N4BP1: variants seen among roughly 807,000 people sequenced by gnomAD.
N4BP1 encodes the protein NEDD4-binding protein 1.
A neutral mutation model predicts 70.9 loss-of-function variants in N4BP1; 21 were observed. The observed-to-expected ratio is 0.30, with a 90% CI of 0.21 to 0.43. The LOEUF (loss-of-function observed/expected upper bound fraction) is 0.43. Among genes scored for constraint, N4BP1 ranks in the 20% least tolerant of loss-of-function variants. The pLI is 1.00. For missense variants in N4BP1, 936 were observed against 1,069.4 expected (o/e 0.88, Z 1.74); for synonymous variants, 387 against 394.6 (o/e 0.98, Z 0.23).
At chr16:48,543,304 A>C (rs1288595342) in intron 6 of N4BP1, 43 bp from the exon 7 acceptor site, 2 of 1,409,866 alleles carry the variant, frequency 1.4e-6, no homozygotes, top group African/African-American at 2.9e-5. Flanking sequence ...TTATAAGTAA[A>C]CAAAAAATCA....
Position 48,540,759 on chromosome 16 carries a change from C to T in N4BP1, c.*2145G>A, listed in dbSNP as rs1963486029. On this transcript the variant is annotated 3_prime_UTR_variant, in exon 7 of 7. Coordinates refer to ENST00000262384, the MANE Select transcript of N4BP1 (RefSeq NM_153029.4). Reference sequence around the variant, plus strand: ...GGCCCCACTGCAGGAGGTAGACAGGCTACAGATACTTATGCAGCAGCCACA... The same window carrying T: ...GGCCCCACTGCAGGAGGTAGACAGGTTACAGATACTTATGCAGCAGCCACA... The T allele has an allele frequency of 6.6e-6, 1 of 152,266 alleles. No individual in the cohort carries two copies. Among genetic ancestry groups the T allele is most frequent in the Non-Finnish European group, 1.5e-5 (1 of 68,096 alleles). The allele number at this position is 152,266 out of a possible 1,614,324, so 9.4% of individuals were successfully genotyped here.
intron 2 of N4BP1, among the ~76,000 whole-genome samples, chr16:48,557,019 T>A (rs1487192970): frequency 6.6e-6 from 1 of 152,136 alleles, no homozygotes; most frequent in Non-Finnish European, 1.5e-5. Context: ...TACTCATCAT[T>A]TGACTCATTC....
intron 1 of N4BP1, among the ~76,000 whole-genome samples, chr16:48,582,769 C>A (rs1964191139): frequency 6.6e-6 from 1 of 152,056 alleles, no homozygotes; most frequent in Non-Finnish European, 1.5e-5. Context: ...TGGAACGTAT[C>A]CCCAGCAGAT....
chr16:48,602,621 C>T (rs1321567160), intron 1 of N4BP1, among the ~76,000 whole-genome samples: 1 of 152,092 alleles, frequency 6.6e-6, no homozygotes, highest in East Asian at 1.9e-4. Context: ...AAAAAATATT[C>T]TGGGAAGTGC....
At chr16:48,568,799 T>C (rs1264874779) in intron 1 of N4BP1, among the ~76,000 whole-genome samples, 1 of 152,236 alleles carries the variant, frequency 6.6e-6, no homozygotes, top group African/African-American at 2.4e-5. Context: ...TATGCTTTTC[T>C]CTGGATGCTT....
chr16:48,602,231 AAACAAC>A (rs755234816), intron 1 of N4BP1, among the ~76,000 whole-genome samples: 1 of 152,202 alleles, frequency 6.6e-6, no homozygotes, highest in Non-Finnish European at 1.5e-5. Context: ...CTCAAAAAAC[AAACAAC>A]AACAACAACC....
In N4BP1 at chr16:48,543,215, C is replaced by G. The variant is rs1963533707; in HGVS notation, c.2380G>C (p.Asp794His). The change falls in exon 7 of 7, where the codon GAC becomes CAC. Residue 794 changes from aspartate to histidine, a missense_variant. Coordinates refer to ENST00000262384, the MANE Select transcript of N4BP1 (RefSeq NM_153029.4). ...LSALPNVGMF[D>H]PSFRVPGTQA... ...GTGCCAGGGACTCTGAAGCTGGGGT[C>G]AAACATGCCCACATTTGGCAGGGCA... 18 of 1,558,298 alleles carry G rather than the reference C, an allele frequency of 1.2e-5. No homozygotes were observed. The highest frequency in any genetic ancestry group is 1.6e-5 in the Non-Finnish European group (18 of 1,150,644).
rs1231843229 is a variant in N4BP1, at chr16:48,561,846, A to G, written c.797T>C (p.Ile266Thr). 2 of 1,613,778 alleles carry G rather than the reference A, an allele frequency of 1.2e-6. No individual in the cohort carries two copies. The highest frequency in any genetic ancestry group is 1.1e-5 in the South Asian group (1 of 91,088). Reference protein sequence around the residue: ...SSSPDVLFDPINGLTPDEEAL... With the variant: ...SSSPDVLFDPTNGLTPDEEAL... ...CTCTTCATCTGGGGTTAGACCATTT[A>G]TTGGATCAAAAAGCACATCTGGTGA... The change falls in exon 2 of 7, where the codon ATA becomes ACA. Residue 266 changes from isoleucine to threonine, a missense_variant. This residue lies in a region of N4BP1 where 515 missense variants were observed against 491.7 expected (regional missense o/e 1.05). Transcript: ENST00000262384.
chr16:48,543,244 A>G lies in N4BP1; in HGVS notation c.2351T>C (p.Leu784Pro). 6.5e-7 allele frequency: 1 copy of G among 1,532,256 alleles called. No individual in the cohort carries two copies. Among genetic ancestry groups the G allele is most frequent in the Non-Finnish European group, 8.8e-7 (1 of 1,139,578 alleles). 94.9% of individuals were successfully genotyped at this position (1,532,256 alleles called of 1,614,324 possible). Residue 784 changes from leucine (L) to proline (P), a missense_variant, in exon 7 of 7, where the codon CTC becomes CCC. Around this residue, in one of 4 missense-constraint regions of N4BP1, gnomAD observed 229 missense variants for 343.5 expected, o/e 0.67. Transcript: ENST00000262384. ...CATGCCCACATTTGGCAGGGCACTG[A>G]GTAGGGGCTGCATATCTCTGTGAAT... ...EVCLRDMQPL[L>P]SALPNVGMFD...
Position 48,543,346 on chromosome 16 carries a change from C to T in N4BP1, c.2334-85G>A, listed in dbSNP as rs1262693549. 7 of 1,163,652 alleles carry T rather than the reference C, an allele frequency of 6.0e-6. No homozygotes were observed. The East Asian group carries it at 1.9e-4, about 31-fold the overall frequency. The allele number at this position is 1,163,652 out of a possible 1,614,324, so 72.1% of individuals were successfully genotyped here. ...TATTTTAGAAGGTACCTGCGGCAGG[C>T]CTTGAGGCTCAGGATGCCGCTCCCT... On this transcript the variant is annotated intron_variant, in intron 6 of 6. Transcript: ENST00000262384.
At chr16:48,574,257 A>G (rs556569200) in intron 1 of N4BP1, among the ~76,000 whole-genome samples, 6 of 152,334 alleles carry the variant, frequency 3.9e-5, no homozygotes, top group African/African-American at 1.4e-4. Context: ...TTAATAAAAA[A>G]ATTTTCAAGT....
intron 1 of N4BP1, among the ~76,000 whole-genome samples, chr16:48,596,396 A>C (rs1567445067): frequency 6.6e-6 from 1 of 152,130 alleles, no homozygotes. Flanking sequence ...GCGTGAGTAC[A>C]CTCAGACAGC....
rs7197732 is a variant in N4BP1, at chr16:48,541,967, G to A, written c.*937C>T. 55,031 of 152,582 alleles carry A rather than the reference G, an allele frequency of 0.36. 10,165 individuals carry two copies. Among genetic ancestry groups the A allele is most frequent in the African/African-American group, 0.42 (17,366 of 41,476 alleles). 9.5% of individuals were successfully genotyped at this position (152,582 alleles called of 1,614,324 possible). On this transcript the variant is annotated 3_prime_UTR_variant, in exon 7 of 7. Transcript: ENST00000262384. ...AGCTGTACAAACTCCACATCAGGGCGTCTCCTGCAGTTGGGGACACAAGAT... is the reference window on the plus strand; with the variant it reads ...AGCTGTACAAACTCCACATCAGGGCATCTCCTGCAGTTGGGGACACAAGAT...
intron 2 of N4BP1, among the ~76,000 whole-genome samples, chr16:48,556,082 G>C (rs1963748229): frequency 1.3e-5 from 2 of 152,176 alleles, no homozygotes; most frequent in Admixed American, 6.5e-5. Context: ...CAAGTCTAGA[G>C]GGGGAACAGA....
chr16:48,570,807 T>A (rs550544735), intron 1 of N4BP1, among the ~76,000 whole-genome samples: 2 of 152,074 alleles, frequency 1.3e-5, no homozygotes, highest in African/African-American at 4.8e-5. Flanking sequence ...TAAATTGATA[T>A]AATATTCAGC....
chr16:48,577,828 A>C (rs1006684894), intron 1 of N4BP1: 2 of 157,410 alleles, frequency 1.3e-5, no homozygotes, highest in Non-Finnish European at 2.8e-5. Flanking sequence ...GATGAGGCGC[A>C]CAAGCACAGA....
rs552682908 is a variant in N4BP1, at chr16:48,595,961, A to T, written c.198+13814T>A. 5.6e-3 allele frequency among the ~76,000 whole-genome samples: 849 copies of T among 152,332 alleles called. 3 individuals are homozygous for T. Among genetic ancestry groups the T allele is most frequent in the Non-Finnish European group, 9.9e-3 (671 of 68,028 alleles). On this transcript the variant is annotated intron_variant, in intron 1 of 6. Transcript: ENST00000262384. ...AACCCATGGCTGGGCTTGGCTTTAAAAAAGTCTTAACTGAGGTTCCTTATG... is the reference window on the plus strand; with the variant it reads ...AACCCATGGCTGGGCTTGGCTTTAATAAAGTCTTAACTGAGGTTCCTTATG...
intron 1 of N4BP1, among the ~76,000 whole-genome samples, chr16:48,602,787 T>TA (rs1431211604): frequency 2.4e-5 from 3 of 124,882 alleles, no homozygotes; most frequent in Non-Finnish European, 4.8e-5. Context: ...CCCATCTCTA[T>TA]AAAAAATAAA....
Position 48,561,159 on chromosome 16 carries a change from G to A in N4BP1, c.1484C>T (p.Ser495Phe), listed in dbSNP as rs769957961. 3.1e-6 allele frequency: 5 copies of A among 1,613,928 alleles called. No homozygotes were observed. The Admixed American group carries it at 6.7e-5, about 22-fold the overall frequency. The change falls in exon 2 of 7, where the codon TCT (serine) becomes TTT (phenylalanine). Residue 495 changes from serine (S) to phenylalanine (F), a missense_variant. Physicochemically the swap from Ser to Phe is radical, Grantham distance 155 (BLOSUM62 -2). This residue lies in a region of N4BP1 where 515 missense variants were observed against 491.7 expected (regional missense o/e 1.05). Transcript: ENST00000262384. Reference protein sequence around the residue: ...TDPETDGLSPSVASPSPKEVN... With the variant: ...TDPETDGLSPFVASPSPKEVN... The stretch of plus-strand genomic sequence containing the variant: ...TTCTTTGGGACTTGGAGAGGCAACA[G>A]AAGGTGAAAGGCCATCAGTTTCAGG...
Sources: gnomAD v4.1 joint callset for allele counts (sites outside exome capture counted in the v4.1 genomes callset) on GRCh38, gnomAD v4.1.1 for gene constraint, gnomAD v4.1.1 regional missense constraint, MANE v1.5 for transcripts, NCBI Gene and HGNC (gene_info 2026-07-23, HGNC 2026-07-21) for gene names.